The following PLEK variants were observed in gnomAD, a reference collection of about 807,000 sequenced individuals.
PLEK encodes the protein pleckstrin, also known as platelet 47 kDa protein.
Under a neutral mutation model 43.9 loss-of-function variants are expected in PLEK, and 25 were observed. The ratio of observed to expected loss-of-function variants is 0.57; its 90% CI spans 0.41 to 0.79. PLEK has a LOEUF of 0.79. Among genes scored for constraint, PLEK ranks in the 30% least tolerant of loss-of-function variants. The pLI, the probability that PLEK is intolerant of heterozygous loss-of-function variation, is 0.00. For synonymous variants in PLEK, 152 were observed against 144.4 expected, an observed-to-expected ratio of 1.05 and a Z score of -0.38; for missense variants, 396 against 413.3, an observed-to-expected ratio of 0.96 and a Z score of 0.36.
intron 1 of PLEK, among the ~76,000 whole-genome samples, chr2:68,373,629 G>A (rs1673450690): frequency 1.3e-5 from 2 of 151,878 alleles, no homozygotes; most frequent in South Asian, 4.1e-4. Flanking sequence ...TGGACAGTTG[G>A]CTCCAGAGGC....
At chr2:68,369,127 T>A (rs1673342058) in intron 1 of PLEK, among the ~76,000 whole-genome samples, 1 of 152,260 alleles carries the variant, frequency 6.6e-6, no homozygotes, top group Non-Finnish European at 1.5e-5. Context: ...ATGTGGTGTT[T>A]ACCCTGAAGC....
intron 6 of PLEK, among the ~76,000 whole-genome samples, chr2:68,392,174 C>CTT (rs1553358889): frequency 3.1e-4 from 47 of 149,506 alleles, no homozygotes; most frequent in Middle Eastern, 6.8e-3. Flanking sequence ...TCCTCCTCCT[C>CTT]CTTCTTCTTC....
intron 7 of PLEK, 90 bp from the exon 8 acceptor site, chr2:68,394,017 T>G: frequency 1.2e-6 from 1 of 844,094 alleles, no homozygotes; most frequent in South Asian, 1.3e-5. Context: ...TGATCTATAT[T>G]AGAGTGAGTC....
intron 1 of PLEK, among the ~76,000 whole-genome samples, chr2:68,377,601 C>A (rs762293358): frequency 6.6e-6 from 1 of 152,062 alleles, no homozygotes; most frequent in Non-Finnish European, 1.5e-5. Flanking sequence ...ATATTTTGAC[C>A]ATTTTTTGAA....
intron 1 of PLEK, among the ~76,000 whole-genome samples, chr2:68,377,820 T>C (rs1673534132): frequency 1.3e-5 from 2 of 152,220 alleles, no homozygotes; most frequent in Admixed American, 6.5e-5. Context: ...TCTGTGCTTA[T>C]AGGGTATTGC....
chr2:68,382,580 T>G lies in PLEK; in HGVS notation c.419T>G (p.Ile140Arg). Residue 140 changes from isoleucine (I) to arginine (R), a missense_variant, in exon 4 of 9, where the codon ATA becomes AGA. Physicochemically the swap from Ile to Arg is moderately conservative, Grantham distance 97 (BLOSUM62 -3). Transcript: ENST00000234313. Reference protein sequence around the residue: ...YLSMKDTEKGIKELNLEKDKK... With the variant: ...YLSMKDTEKGRKELNLEKDKK... The stretch of plus-strand genomic sequence containing the variant: ...TCCATGAAAGACACTGAAAAAGGAA[T>G]AAAAGAACTGAATCTAGAGAAGGAC... 1 of 1,603,822 alleles carries G rather than the reference T, an allele frequency of 6.2e-7. No homozygotes were observed. The highest frequency in any genetic ancestry group is 8.5e-7 in the Non-Finnish European group (1 of 1,170,680).
intron 1 of PLEK, among the ~76,000 whole-genome samples, chr2:68,366,185 A>T (rs1673270342): frequency 6.6e-6 from 1 of 152,212 alleles, no homozygotes; most frequent in Admixed American, 6.5e-5. Flanking sequence ...TGCTCACACT[A>T]ACCTTAGTGA....
intron 6 of PLEK, among the ~76,000 whole-genome samples, chr2:68,389,190 G>C (rs976988125): frequency 6.6e-6 from 1 of 152,236 alleles, no homozygotes; most frequent in African/African-American, 2.4e-5. Context: ...CAAGATGACT[G>C]AGGAAGCCAG....
At chr2:68,383,948 C>T (rs1673683867) in intron 4 of PLEK, among the ~76,000 whole-genome samples, 1 of 152,146 alleles carries the variant, frequency 6.6e-6, no homozygotes, top group South Asian at 2.1e-4. Context: ...GGGATCAAGA[C>T]ACCAAGCTGT....
At chr2:68,368,088 A>T (rs1033243847) in intron 1 of PLEK, among the ~76,000 whole-genome samples, 1 of 152,192 alleles carries the variant, frequency 6.6e-6, no homozygotes, top group Non-Finnish European at 1.5e-5. Context: ...TCTGTGCAAG[A>T]TGACTGTTGA....
chr2:68,388,273 G>A lies in PLEK; in HGVS notation c.658-114G>A, dbSNP rs1355648967. On this transcript the variant is annotated intron_variant, in intron 5 of 8. Transcript: ENST00000234313. ...TCAGATTGGGATGTACACAGGAATGGAGGAAAAAGGAGGAGGCTGCCCTCA... is the reference window on the plus strand; with the variant it reads ...TCAGATTGGGATGTACACAGGAATGAAGGAAAAAGGAGGAGGCTGCCCTCA... 5.9e-6 allele frequency: 4 copies of A among 681,774 alleles called. No homozygotes were observed. In the Admixed American group the frequency reaches 8.1e-5, roughly 14 times the overall value. 42.2% of individuals were successfully genotyped at this position (681,774 alleles called of 1,614,324 possible). A position where few individuals can be genotyped will look rare whatever the true frequency, so the allele number is the denominator to read the frequency against.
chr2:68,380,408 C>T lies in PLEK; in HGVS notation c.123C>T (p.Asp41=), dbSNP rs758248156. 6.2e-7 allele frequency: 1 copy of T among 1,613,648 alleles called. No individual in the cohort carries two copies. Among genetic ancestry groups the T allele is most frequent in the East Asian group, 2.2e-5 (1 of 44,872 alleles). Residue 41 remains aspartate (D), a synonymous_variant, in exon 2 of 9, where the codon GAC becomes GAT. Transcript: ENST00000234313. ...DGIEFYKKKS[D]NSPKGMIPLK... ...TTGAATTCTATAAGAAGAAAAGTGA[C>T]AACAGCCCCAAAGGAATGATCCCGC... is the stretch of plus-strand genomic sequence containing the variant.
intron 1 of PLEK, among the ~76,000 whole-genome samples, chr2:68,368,924 G>C (rs1336705987): frequency 1.3e-5 from 2 of 152,176 alleles, no homozygotes; most frequent in African/African-American, 2.4e-5. Flanking sequence ...AGGGTGATGG[G>C]AAAGGGAAGG....
chr2:68,384,683 C>T lies in PLEK; in HGVS notation c.473-1819C>T, dbSNP rs145613510. ...CACATGATGGAAGACCTTAAATGTC[C>T]GATGACAGGCAGACTAGACCAAACT... is the stretch of plus-strand genomic sequence containing the variant. On this transcript the variant is annotated intron_variant, in intron 4 of 8. Coordinates refer to ENST00000234313, the MANE Select transcript of PLEK (RefSeq NM_002664.3). Among the ~76,000 whole-genome samples, 793 of 152,174 alleles carry T rather than the reference C, an allele frequency of 5.2e-3. 11 individuals carry two copies. The highest frequency in any genetic ancestry group is 0.018 in the African/African-American group (756 of 41,498).
At chr2:68,394,256 T>C (rs963219494) in intron 8 of PLEK, 80 bp downstream of exon 8, 1 of 832,602 alleles carries the variant, frequency 1.2e-6, no homozygotes, top group Admixed American at 1.7e-5. Flanking sequence ...CCAACATTAA[T>C]CAATCAATCA....
At chr2:68,367,164 A>G (rs1673292063) in intron 1 of PLEK, among the ~76,000 whole-genome samples, 2 of 151,978 alleles carry the variant, frequency 1.3e-5, no homozygotes, top group Non-Finnish European at 2.9e-5. Context: ...ATCTTCCATA[A>G]TTTTCATGTT....
Position 68,393,143 on chromosome 2 carries a change from A to C in PLEK, c.763-19A>C. On this transcript the variant is annotated intron_variant, in intron 6 of 8. Coordinates refer to ENST00000234313, the MANE Select transcript of PLEK (RefSeq NM_002664.3). Reference sequence around the variant, plus strand: ...TGGGAATTCACCATCCCTTCTTTTAATGTTGATCCTGGATACAGGGGCATA... The same window carrying C: ...TGGGAATTCACCATCCCTTCTTTTACTGTTGATCCTGGATACAGGGGCATA... 6.7e-7 allele frequency: 1 copy of C among 1,495,300 alleles called. No individual in the cohort carries two copies. Among genetic ancestry groups the C allele is most frequent in the South Asian group, 1.1e-5 (1 of 88,658 alleles). The allele number at this position is 1,495,300 out of a possible 1,614,324, so 92.6% of individuals were successfully genotyped here.
chr2:68,379,270 A>G (rs935868787), intron 1 of PLEK, among the ~76,000 whole-genome samples: 1 of 152,246 alleles, frequency 6.6e-6, no homozygotes, highest in Admixed American at 6.5e-5. Context: ...GGGTAAAACC[A>G]GCTTTTATTT....
chr2:68,390,394 T>G (rs1321003993), intron 6 of PLEK, among the ~76,000 whole-genome samples: 1 of 152,250 alleles, frequency 6.6e-6, no homozygotes, highest in African/African-American at 2.4e-5. Flanking sequence ...TCTTAAAAGC[T>G]AATTTATTCT....
Sources: allele counts gnomAD v4.1 joint callset (sites outside exome capture counted in the v4.1 genomes callset), GRCh38; gene constraint gnomAD v4.1.1; transcripts MANE v1.5; gene names NCBI Gene and HGNC (gene_info 2026-07-23, HGNC 2026-07-21).